Variants in MARCHF1 observed in about 807,000 individuals in gnomAD.
MARCHF1 encodes the protein membrane associated ring-CH-type finger 1, also known as E3 ubiquitin-protein ligase MARCHF1.
Under a neutral mutation model 54.2 loss-of-function variants are expected in MARCHF1, and 40 were observed. The ratio of observed to expected loss-of-function variants is 0.74; its 90% CI spans 0.57 to 0.96. MARCHF1 has a LOEUF of 0.96. Ranked by LOEUF, MARCHF1 falls within the 40% of genes least tolerant of loss-of-function variation. The probability of loss-of-function intolerance (pLI) is 0.00; values close to 1 mark genes in which losing one functional copy is unlikely to be tolerated. For synonymous variants in MARCHF1, 236 were observed against 236.3 expected (o/e 1.00, Z 0.01); for missense variants, 586 against 656.5 (o/e 0.89, Z 1.17).
intron 1 of MARCHF1, among the ~76,000 whole-genome samples, chr4:164,139,253 T>A (rs1298869630): frequency 6.6e-6 from 1 of 151,970 alleles, no homozygotes; most frequent in Non-Finnish European, 1.5e-5. Flanking sequence ...TAAAAAAAAA[T>A]CTTGAAGGAC....
intron 1 of MARCHF1, among the ~76,000 whole-genome samples, chr4:164,360,557 G>A (rs1427382104): frequency 1.3e-5 from 2 of 152,114 alleles, no homozygotes; most frequent in Non-Finnish European, 2.9e-5. Context: ...GTAGTTCAGT[G>A]TACATAGGCA....
chr4:164,326,693 C>T (rs1735289150), intron 1 of MARCHF1, among the ~76,000 whole-genome samples: 2 of 152,170 alleles, frequency 1.3e-5, no homozygotes, highest in Non-Finnish European at 2.9e-5. Flanking sequence ...TTTATATAAA[C>T]TAGATTTAGC....
chr4:164,321,252 C>A (rs1735136342), intron 1 of MARCHF1, among the ~76,000 whole-genome samples: 3 of 151,966 alleles, frequency 2.0e-5, no homozygotes. Flanking sequence ...AATTACAAGT[C>A]CAACACAAAG....
intron 1 of MARCHF1, among the ~76,000 whole-genome samples, chr4:164,360,478 T>G (rs1051857516): frequency 6.6e-6 from 1 of 152,178 alleles, no homozygotes; most frequent in African/African-American, 2.4e-5. Context: ...CAATTCCTAC[T>G]GCATGGTGAT....
chr4:163,922,981 G>GA (rs1751463523), intron 3 of MARCHF1, among the ~76,000 whole-genome samples: 1 of 152,020 alleles, frequency 6.6e-6, no homozygotes, highest in Admixed American at 6.6e-5. Context: ...TAGAGATAGA[G>GA]AAAAAATTGT....
chr4:163,732,564 C>A (rs2111328582), intron 4 of MARCHF1, among the ~76,000 whole-genome samples: 1 of 152,164 alleles, frequency 6.6e-6, no homozygotes, highest in Non-Finnish European at 1.5e-5. Flanking sequence ...CAAGGCATAT[C>A]ATAATTAAAT....
intron 5 of MARCHF1, among the ~76,000 whole-genome samples, chr4:163,667,775 G>A (rs1743594104): frequency 2.0e-5 from 3 of 151,872 alleles, no homozygotes; most frequent in Admixed American, 1.3e-4. Context: ...ACAGGTGTGT[G>A]CCACCACACC....
intron 5 of MARCHF1, among the ~76,000 whole-genome samples, chr4:163,629,561 T>C (rs1321854922): frequency 6.6e-6 from 1 of 152,008 alleles, no homozygotes; most frequent in African/African-American, 2.4e-5. Flanking sequence ...ACAAATGGGA[T>C]CTAATTAAAC....
intron 4 of MARCHF1, among the ~76,000 whole-genome samples, chr4:163,733,258 T>TATACACATGTATATATATACACACACAC (rs1554008879): frequency 2.2e-5 from 1 of 45,062 alleles, no homozygotes; most frequent in African/African-American, 6.6e-5. Flanking sequence ...TATATATATA[T>TATACACATGTATATATATACACACACAC]ACACACACAC....
intron 2 of MARCHF1, among the ~76,000 whole-genome samples, chr4:164,090,749 C>T (rs1048987412): frequency 6.6e-6 from 1 of 151,920 alleles, no homozygotes; most frequent in African/African-American, 2.4e-5. Context: ...TTAATAGGCA[C>T]TCAAGCAGCA....
At chr4:164,376,981 A>G (rs183496556) in intron 1 of MARCHF1, among the ~76,000 whole-genome samples, 3 of 152,230 alleles carry the variant, frequency 2.0e-5, no homozygotes, top group Non-Finnish European at 2.9e-5. Context: ...TACCTAATTT[A>G]TCACTCTCAC....
At chr4:163,767,402 C>T (rs561868375) in intron 4 of MARCHF1, among the ~76,000 whole-genome samples, 46 of 151,430 alleles carry the variant, frequency 3.0e-4, no homozygotes, top group African/African-American at 1.1e-3. Flanking sequence ...GGCGCGATCT[C>T]GGCTCACCGC....
chr4:163,829,597 C>T (rs1472444184), intron 4 of MARCHF1, among the ~76,000 whole-genome samples: 1 of 152,156 alleles, frequency 6.6e-6, no homozygotes, highest in East Asian at 1.9e-4. Flanking sequence ...TACAGAAGTG[C>T]ACGCAGGCTC....
chr4:164,033,222 T>C (rs1036068436), intron 2 of MARCHF1, among the ~76,000 whole-genome samples: 4 of 150,544 alleles, frequency 2.7e-5, no homozygotes, highest in African/African-American at 9.7e-5. Flanking sequence ...GGCTAGCCAT[T>C]TGCAGACAAC....
At chr4:163,604,018 C>T (rs954658427) in intron 7 of MARCHF1, among the ~76,000 whole-genome samples, 3 of 152,116 alleles carry the variant, frequency 2.0e-5, no homozygotes, top group South Asian at 4.1e-4. Context: ...TCTGCCTTTT[C>T]GGCTGTTTTG....
intron 2 of MARCHF1, among the ~76,000 whole-genome samples, chr4:164,019,923 C>T (rs752091390): frequency 2.6e-5 from 4 of 152,162 alleles, no homozygotes; most frequent in Middle Eastern, 3.4e-3. Flanking sequence ...GAAAAGCTGT[C>T]GGGAAAGAGT....
At chr4:164,279,116 A>T (rs1733959446) in intron 1 of MARCHF1, among the ~76,000 whole-genome samples, 1 of 151,766 alleles carries the variant, frequency 6.6e-6, no homozygotes, top group Admixed American at 6.6e-5. Flanking sequence ...GTCAGAAAAA[A>T]AAAAGCCAAA....
At chr4:164,326,991 G>GTA (rs1735299538) in intron 1 of MARCHF1, among the ~76,000 whole-genome samples, 1 of 151,444 alleles carries the variant, frequency 6.6e-6, no homozygotes. Context: ...GTGTGTGTGT[G>GTA]TGTGTGTGTA....
intron 7 of MARCHF1, among the ~76,000 whole-genome samples, chr4:163,605,592 A>G (rs956803062): frequency 1.3e-5 from 2 of 152,166 alleles, no homozygotes; most frequent in Non-Finnish European, 2.9e-5. Context: ...TTCTACTATC[A>G]AGACACATGC....
Sources: gnomAD v4.1 joint callset for allele counts (sites outside exome capture counted in the v4.1 genomes callset) on GRCh38, gnomAD v4.1.1 for gene constraint, MANE v1.5 for transcripts, NCBI Gene and HGNC (gene_info 2026-07-23, HGNC 2026-07-21) for gene names.